NLGN4X: variants seen among roughly 807,000 people sequenced by gnomAD.
The protein encoded by NLGN4X is neuroligin-4, X-linked.
A neutral mutation model predicts 40.3 loss-of-function variants in NLGN4X; 3 were observed. The ratio of observed to expected loss-of-function variants is 0.07; its 90% CI spans 0.03 to 0.19. The LOEUF (loss-of-function observed/expected upper bound fraction) is 0.19. NLGN4X is among the 10% of genes least tolerant of loss of function. NLGN4X has a pLI of 1.00. For synonymous variants in NLGN4X, 270 were observed against 306.8 expected, an observed-to-expected ratio of 0.88 and a Z score of 1.25; for missense variants, 382 against 708.3, an observed-to-expected ratio of 0.54 and a Z score of 5.23.
chrX:6,000,852 T>C (rs766639332), intron 3 of NLGN4X, among the ~76,000 whole-genome samples: 1 of 111,575 alleles, frequency 9.0e-6, no homozygotes, highest in African/African-American at 3.3e-5. Flanking sequence ...TCCACATTTT[T>C]GGGTATCTTC....
At chrX:6,199,595 C>T (rs1923416473) in intron 1 of NLGN4X, among the ~76,000 whole-genome samples, 2 of 111,513 alleles carry the variant, frequency 1.8e-5, no homozygotes, top group Admixed American at 1.9e-4. Flanking sequence ...AGCAACACTG[C>T]ACGGCAGATT....
intron 2 of NLGN4X, among the ~76,000 whole-genome samples, chrX:6,119,484 G>A (rs1224824365): frequency 8.9e-6 from 1 of 111,765 alleles, no homozygotes; most frequent in Non-Finnish European, 1.9e-5. Flanking sequence ...GAAAGATTCT[G>A]AGGAAAAGAA....
chrX:6,022,033 T>C (rs1226230188), intron 3 of NLGN4X, among the ~76,000 whole-genome samples: 1 of 112,389 alleles, frequency 8.9e-6, no homozygotes, highest in Non-Finnish European at 1.9e-5. Flanking sequence ...CCTTCTCTCA[T>C]GCTTCTTTTA....
At chrX:6,066,260 C>G (rs1486559323) in intron 2 of NLGN4X, among the ~76,000 whole-genome samples, 1 of 112,027 alleles carries the variant, frequency 8.9e-6, no homozygotes, top group African/African-American at 3.2e-5. Context: ...TCCGTGATTT[C>G]TCATTTGCAA....
At chrX:6,064,918 G>T (rs949552959) in intron 2 of NLGN4X, among the ~76,000 whole-genome samples, 1 of 111,175 alleles carries the variant, frequency 9.0e-6, no homozygotes, top group Non-Finnish European at 1.9e-5. Flanking sequence ...ATACATCATG[G>T]AATACTATAT....
chrX:6,029,415 T>G lies in NLGN4X; in HGVS notation c.490A>C (p.Ser164Arg). Residue 164 changes from serine (S) to arginine (R), a missense_variant, in exon 3 of 6, where the codon AGT becomes CGT. Ser to Arg is a moderately radical substitution (Grantham distance 110). Transcript: ENST00000381095. ...PTEDDIHDQN[S>R]KKPVMVYIHG... The stretch of plus-strand genomic sequence containing the variant: ...ATATAGACCATGACGGGCTTCTTAC[T>G]GTTCTGATCATGAATATCTGGAAAA... The G allele has an allele frequency of 5.0e-6, 6 of 1,211,057 alleles. No individual in the cohort carries two copies. Among genetic ancestry groups the G allele is most frequent in the Non-Finnish European group, 6.7e-6 (6 of 895,027 alleles).
intron 2 of NLGN4X, among the ~76,000 whole-genome samples, chrX:6,066,629 C>A (rs887350716): frequency 1.7e-4 from 19 of 110,106 alleles, no homozygotes; most frequent in Non-Finnish European, 1.9e-5. Context: ...ACTAAAAATA[C>A]AAAAAATTAG....
At chrX:6,109,828 C>T (rs1781378124) in intron 2 of NLGN4X, among the ~76,000 whole-genome samples, 2 of 112,103 alleles carry the variant, frequency 1.8e-5, no homozygotes, top group Non-Finnish European at 3.8e-5. Flanking sequence ...TTCAAAATCA[C>T]TACTTTATTT....
intron 2 of NLGN4X, among the ~76,000 whole-genome samples, chrX:6,031,677 T>G (rs1057324787): frequency 1.8e-5 from 2 of 110,785 alleles, no homozygotes; most frequent in African/African-American, 6.6e-5. Context: ...TTAATGGAGT[T>G]CCATGCATTT....
chrX:5,984,880 T>G (rs2035488492), intron 3 of NLGN4X, among the ~76,000 whole-genome samples: 1 of 112,351 alleles, frequency 8.9e-6, no homozygotes, highest in African/African-American at 3.2e-5. Context: ...CACCGATAGA[T>G]TCTTTTAAGA....
At position 5,926,789 on chromosome X, in the gene NLGN4X, TACACACACACACACACACAC is replaced by T. The variant is rs3072083; in HGVS notation, c.626-17570_626-17551del. Among the ~76,000 whole-genome samples, 4 of 93,054 alleles carry T rather than the reference TACACACACACACACACACAC, an allele frequency of 4.3e-5. No individual in the cohort carries two copies. The Admixed American group carries it at 4.9e-4, about 11-fold the overall frequency. The allele number at this position is 93,054 out of a possible 115,157, so 80.8% of individuals were successfully genotyped here. ...AGATATATTCTACCTCTAGAGAGCA[TACACACACACACACACACAC>T]ACACACACACACACACGTTCTTATA... On this transcript the variant is annotated intron_variant, in intron 3 of 5. Coordinates refer to ENST00000381095, the MANE Select transcript of NLGN4X (RefSeq NM_181332.3).
intron 1 of NLGN4X, among the ~76,000 whole-genome samples, chrX:6,207,640 T>C (rs1383883115): frequency 8.9e-6 from 1 of 112,472 alleles, no homozygotes; most frequent in African/African-American, 3.2e-5. Flanking sequence ...TTTTATAGAA[T>C]GAAAATCTTC....
At chrX:6,169,336 AT>A (rs1032351464) in intron 1 of NLGN4X, among the ~76,000 whole-genome samples, 4 of 113,088 alleles carry the variant, frequency 3.5e-5, no homozygotes, top group African/African-American at 1.3e-4. Context: ...TGATCAACAA[AT>A]AATCTGACAT....
chrX:6,105,870 G>C (rs2039020387), intron 2 of NLGN4X, among the ~76,000 whole-genome samples: 1 of 111,723 alleles, frequency 9.0e-6, no homozygotes, highest in Non-Finnish European at 1.9e-5. Flanking sequence ...TGCAGTCATT[G>C]CATGAGGTCC....
At chrX:6,026,256 T>C (rs1446138548) in intron 3 of NLGN4X, among the ~76,000 whole-genome samples, 2 of 111,548 alleles carry the variant, frequency 1.8e-5, no homozygotes, top group Non-Finnish European at 3.8e-5. Context: ...AAAAAAAATC[T>C]TAAAACAATA....
chrX:6,008,349 C>T (rs755802176), intron 3 of NLGN4X, among the ~76,000 whole-genome samples: 6 of 111,765 alleles, frequency 5.4e-5, no homozygotes, highest in South Asian at 7.5e-4. Context: ...TAACAGAATG[C>T]GGTCTATCAT....
intron 2 of NLGN4X, among the ~76,000 whole-genome samples, chrX:6,148,209 G>T (rs1040798565): frequency 8.9e-6 from 1 of 111,968 alleles, no homozygotes; most frequent in African/African-American, 3.2e-5. Flanking sequence ...ATAGAAATTT[G>T]AGCCAATCTG....
At chrX:5,991,678 T>G (rs770381384) in intron 3 of NLGN4X, among the ~76,000 whole-genome samples, 1 of 112,250 alleles carries the variant, frequency 8.9e-6, no homozygotes, top group East Asian at 2.8e-4. Flanking sequence ...GTGTGAATGA[T>G]GCCAACACTT....
At chrX:6,171,109 C>G (rs2040597568) in intron 1 of NLGN4X, among the ~76,000 whole-genome samples, 1 of 112,453 alleles carries the variant, frequency 8.9e-6, no homozygotes, top group African/African-American at 3.2e-5. Flanking sequence ...CAGGCGTGAG[C>G]CACTACACCT....
Sources: allele counts gnomAD v4.1 joint callset (sites outside exome capture counted in the v4.1 genomes callset), GRCh38; gene constraint gnomAD v4.1.1; transcripts MANE v1.5; gene names NCBI Gene and HGNC (gene_info 2026-07-23, HGNC 2026-07-21).